CR1L: variants seen among roughly 807,000 people sequenced by gnomAD.
CR1L encodes the protein complement component receptor 1-like protein.
In CR1L, 59 loss-of-function variants were observed where a neutral mutation model predicts 62.3. The ratio of observed to expected loss-of-function variants is 0.95; its 90% CI spans 0.77 to 1.18. The LOEUF is 1.18. CR1L is among the 50% of genes most tolerant of loss of function. CR1L has a pLI of 0.00. For synonymous variants in CR1L, 279 were observed against 248.7 expected (o/e 1.12, Z -1.15); for missense variants, 700 against 702.8 (o/e 1.00, Z 0.04).
In CR1L at chr1:207,699,424, C is replaced by T. The variant is rs1354046923; in HGVS notation, c.1228+150C>T. 4.5e-6 allele frequency: 4 copies of T among 892,828 alleles called. No homozygotes were observed. In the Admixed American group the frequency reaches 7.6e-5, roughly 17 times the overall value. The allele number at this position is 892,828 out of a possible 1,614,324, so 55.3% of individuals were successfully genotyped here. A position where few individuals can be genotyped will look rare whatever the true frequency, so the allele number is the denominator to read the frequency against. On this transcript the variant is annotated intron_variant, in intron 8 of 11. Coordinates refer to ENST00000508064, the MANE Select transcript of CR1L (RefSeq NM_175710.2). ...ATTTTAGTAATGTTTGGTTGTGAAT[C>T]AATGTGTACATCACCTGTCTTTGGA...
chr1:207,680,505 T>C (rs141817442), intron 3 of CR1L, among the ~76,000 whole-genome samples: 1 of 152,250 alleles, frequency 6.6e-6, no homozygotes, highest in African/African-American at 2.4e-5. Flanking sequence ...TGCTATTCCC[T>C]ACAACTGCAT....
intron 10 of CR1L, among the ~76,000 whole-genome samples, chr1:207,712,468 A>T (rs1664373796): frequency 1.3e-5 from 2 of 152,348 alleles, no homozygotes; most frequent in South Asian, 4.1e-4. Flanking sequence ...CAGGCATAGG[A>T]TATAGCAAAA....
At chr1:207,713,302 G>A (rs1664391504) in intron 10 of CR1L, among the ~76,000 whole-genome samples, 1 of 152,188 alleles carries the variant, frequency 6.6e-6, no homozygotes, top group Non-Finnish European at 1.5e-5. Flanking sequence ...TCATAATAAG[G>A]CAAAGGTTGT....
intron 3 of CR1L, 54 bp downstream of exon 3, chr1:207,678,351 C>T: frequency 1.4e-6 from 2 of 1,442,564 alleles, no homozygotes; most frequent in South Asian, 1.2e-5. Context: ...TCTAACACAG[C>T]CATACTACCT....
intron 4 of CR1L, among the ~76,000 whole-genome samples, chr1:207,685,221 T>C (rs959101983): frequency 2.6e-5 from 4 of 152,248 alleles, no homozygotes; most frequent in Non-Finnish European, 5.9e-5. Context: ...GGTAAATGGC[T>C]GTAAGTCTTC....
chr1:207,691,306 A>G (rs1290665444), intron 4 of CR1L, among the ~76,000 whole-genome samples: 3 of 151,974 alleles, frequency 2.0e-5, no homozygotes, highest in Non-Finnish European at 4.4e-5. Context: ...ATATAGCTAT[A>G]TCAGCTTTCT....
intron 3 of CR1L, among the ~76,000 whole-genome samples, chr1:207,679,897 T>C (rs1201069890): frequency 1.3e-5 from 2 of 152,132 alleles, no homozygotes; most frequent in East Asian, 3.8e-4. Flanking sequence ...TACACCATTC[T>C]GGAAAAGGCA....
chr1:207,666,085 C>T (rs1663518849), intron 1 of CR1L, among the ~76,000 whole-genome samples: 1 of 152,172 alleles, frequency 6.6e-6, no homozygotes, highest in African/African-American at 2.4e-5. Flanking sequence ...GAAATATCTG[C>T]TACATTATCT....
At chr1:207,649,503 A>G (rs1663189323) in intron 1 of CR1L, among the ~76,000 whole-genome samples, 1 of 152,196 alleles carries the variant, frequency 6.6e-6, no homozygotes, top group African/African-American at 2.4e-5. Context: ...GGGTTGTTTT[A>G]ATTTCCCGAG....
At chr1:207,699,339 G>A in intron 8 of CR1L, 65 bp downstream of exon 8, 1 of 1,584,890 alleles carries the variant, frequency 6.3e-7, no homozygotes, top group Non-Finnish European at 8.7e-7. Context: ...TTTGACCCAT[G>A]ACCTCCCCTA....
intron 1 of CR1L, among the ~76,000 whole-genome samples, chr1:207,647,179 C>T (rs1387313557): frequency 6.6e-6 from 1 of 152,132 alleles, no homozygotes; most frequent in Non-Finnish European, 1.5e-5. Flanking sequence ...ATATATTAAC[C>T]AGGGAAGTGT....
intron 1 of CR1L, chr1:207,655,194 T>G: frequency 1.6e-6 from 1 of 630,992 alleles, no homozygotes; most frequent in Non-Finnish European, 2.9e-6. Context: ...ATTTAGTTAT[T>G]ACTTAATTGG....
At chr1:207,709,976 G>A (rs1362019601) in intron 10 of CR1L, among the ~76,000 whole-genome samples, 1 of 152,176 alleles carries the variant, frequency 6.6e-6, no homozygotes, top group South Asian at 2.1e-4. Context: ...AGATGAGAAT[G>A]ATATTGTGAA....
intron 10 of CR1L, among the ~76,000 whole-genome samples, chr1:207,709,998 G>A (rs543791926): frequency 5.9e-5 from 9 of 152,128 alleles, no homozygotes; most frequent in African/African-American, 1.4e-4. Flanking sequence ...ATTTACTTCC[G>A]GTAATTTGGG....
chr1:207,680,495 T>C (rs1663778441), intron 3 of CR1L, among the ~76,000 whole-genome samples: 1 of 152,180 alleles, frequency 6.6e-6, no homozygotes. Flanking sequence ...GATCTTTCTG[T>C]GCTATTCCCT....
intron 4 of CR1L, among the ~76,000 whole-genome samples, chr1:207,688,447 A>G (rs1446079801): frequency 6.6e-6 from 1 of 152,214 alleles, no homozygotes; most frequent in Non-Finnish European, 1.5e-5. Flanking sequence ...TGGCAAAAAA[A>G]ACTGTAGCAT....
chr1:207,723,475 T>C (rs1221835994), intron 11 of CR1L, 143 bp from the exon 12 acceptor site: 1 of 663,816 alleles, frequency 1.5e-6, no homozygotes, highest in Non-Finnish European at 2.5e-6. Context: ...TGAGAGTATA[T>C]GAGTGAAATC....
intron 10 of CR1L, chr1:207,715,381 T>C (rs535246338): frequency 3.5e-5 from 56 of 1,590,816 alleles, no homozygotes; most frequent in Middle Eastern, 3.3e-4. Context: ...GGAATAGCAG[T>C]GTTCCAGTGT....
At chr1:207,683,239 C>T (rs1421715952) in intron 3 of CR1L, among the ~76,000 whole-genome samples, 5 of 151,932 alleles carry the variant, frequency 3.3e-5, no homozygotes, top group African/African-American at 1.2e-4. Flanking sequence ...CAGGCTCAAG[C>T]GATCTTCCTG....
Sources: allele counts gnomAD v4.1 joint callset (sites outside exome capture counted in the v4.1 genomes callset), GRCh38; gene constraint gnomAD v4.1.1; transcripts MANE v1.5; gene names NCBI Gene and HGNC (gene_info 2026-07-23, HGNC 2026-07-21).